SPECC1: variants seen among roughly 807,000 people sequenced by gnomAD.
SPECC1 encodes the protein sperm antigen with calponin homology and coiled-coil domains 1.
Under a neutral mutation model 104.1 loss-of-function variants are expected in SPECC1, and 62 were observed. The ratio of observed to expected loss-of-function variants is 0.60; its 90% CI spans 0.49 to 0.74. The LOEUF (loss-of-function observed/expected upper bound fraction) is 0.74, where lower values mean the gene tolerates loss of function less well. SPECC1 is among the 30% of genes least tolerant of loss of function. SPECC1 has a pLI of 0.00. For missense variants in SPECC1, 1,306 were observed against 1,310.5 expected, an observed-to-expected ratio of 1.00 and a Z score of 0.05; for synonymous variants, 513 against 501.6, an observed-to-expected ratio of 1.02 and a Z score of -0.30.
At chr17:20,055,653 A>G (rs182561240) in intron 1 of SPECC1, among the ~76,000 whole-genome samples, 1 of 152,328 alleles carries the variant, frequency 6.6e-6, no homozygotes, top group Non-Finnish European at 1.5e-5. Flanking sequence ...CTCTCTATAC[A>G]TGATCATAAC....
intron 9 of SPECC1, among the ~76,000 whole-genome samples, chr17:20,249,383 A>G (rs2039539875): frequency 6.6e-6 from 1 of 152,210 alleles, no homozygotes; most frequent in Non-Finnish European, 1.5e-5. Context: ...GCGCCACTGC[A>G]TTCCAGCCTG....
intron 12 of SPECC1, among the ~76,000 whole-genome samples, chr17:20,275,429 A>C (rs2040544527): frequency 6.6e-6 from 1 of 152,198 alleles, no homozygotes; most frequent in Non-Finnish European, 1.5e-5. Flanking sequence ...TAAAAAGTGC[A>C]ATAGGTATTT....
chr17:20,099,715 A>AAAAAG (rs2047844087), intron 2 of SPECC1, among the ~76,000 whole-genome samples: 14 of 148,916 alleles, frequency 9.4e-5, no homozygotes, highest in African/African-American at 3.5e-4. Context: ...AAAAAAAAAA[A>AAAAAG]AAAAACCCAC....
At chr17:20,300,809 G>A (rs189951911) in intron 13 of SPECC1, among the ~76,000 whole-genome samples, 27 of 152,304 alleles carry the variant, frequency 1.8e-4, no homozygotes, top group Non-Finnish European at 2.8e-4. Flanking sequence ...CCAATCACCC[G>A]ACCACCAGGG....
chr17:20,303,917 C>A (rs2041673749), intron 13 of SPECC1, among the ~76,000 whole-genome samples: 1 of 151,790 alleles, frequency 6.6e-6, no homozygotes. Flanking sequence ...CGTGCCACTG[C>A]ACTCCAGCCT....
At chr17:20,200,364 C>T (rs1228464106) in intron 3 of SPECC1, among the ~76,000 whole-genome samples, 1 of 152,170 alleles carries the variant, frequency 6.6e-6, no homozygotes, top group African/African-American at 2.4e-5. Flanking sequence ...AAAAATGTCA[C>T]ACTTCAAACA....
Position 20,317,317 on chromosome 17 carries a change from G to C in SPECC1, c.*3252G>C, listed in dbSNP as rs147999950. 3.0e-3 allele frequency: 433 copies of C among 142,920 alleles called. No individual in the cohort carries two copies. The highest frequency in any genetic ancestry group is 4.4e-3 in the Non-Finnish European group (318 of 72,548). The allele number at this position is 142,920 out of a possible 1,614,324, so 8.9% of individuals were successfully genotyped here. A position where few individuals can be genotyped will look rare whatever the true frequency, so the allele number is the denominator to read the frequency against. On this transcript the variant is annotated 3_prime_UTR_variant, in exon 15 of 15. Transcript: ENST00000395527. ...TCACTTCTCTGTCACCCAGGCTAGA[G>C]TAGTGTGATCTTGGCTTATTACAAC...
At chr17:20,169,998 G>A (rs187697809) in intron 3 of SPECC1, among the ~76,000 whole-genome samples, 13 of 152,298 alleles carry the variant, frequency 8.5e-5, no homozygotes, top group Admixed American at 8.5e-4. Flanking sequence ...TGAGAATTTT[G>A]AAGGGTTCCA....
intron 3 of SPECC1, among the ~76,000 whole-genome samples, chr17:20,122,424 G>T (rs1215463652): frequency 6.6e-6 from 1 of 152,176 alleles, no homozygotes; most frequent in Non-Finnish European, 1.5e-5. Flanking sequence ...GGGAACAGCA[G>T]CTGCGTCTGG....
At chr17:20,180,345 T>G (rs1393355451) in intron 3 of SPECC1, among the ~76,000 whole-genome samples, 1 of 152,156 alleles carries the variant, frequency 6.6e-6, no homozygotes, top group Non-Finnish European at 1.5e-5. Context: ...GTCCAGAATA[T>G]TAGTGTCAGA....
At chr17:20,227,011 GGGAAGCACTGCTCTCCC>G (rs2038257529) in intron 4 of SPECC1, among the ~76,000 whole-genome samples, 1 of 110,838 alleles carries the variant, frequency 9.0e-6, no homozygotes, top group Non-Finnish European at 2.0e-5. Context: ...GTGCCTCCCA[GGGAAGCACTGCTCTCCC>G]AGGGAAGCAC....
chr17:20,071,157 A>G (rs1037289713), intron 1 of SPECC1, among the ~76,000 whole-genome samples: 1 of 152,066 alleles, frequency 6.6e-6, no homozygotes, highest in Non-Finnish European at 1.5e-5. Context: ...TCAGCCTCCC[A>G]AGTAGCTGAG....
intron 1 of SPECC1, among the ~76,000 whole-genome samples, chr17:20,055,941 C>A (rs760611824): frequency 6.6e-6 from 1 of 152,180 alleles, no homozygotes; most frequent in Non-Finnish European, 1.5e-5. Flanking sequence ...TCAGACCCAC[C>A]CTCCTGGTGC....
At chr17:20,312,449 C>T (rs1340870843) in intron 14 of SPECC1, among the ~76,000 whole-genome samples, 3 of 152,286 alleles carry the variant, frequency 2.0e-5, no homozygotes, top group South Asian at 2.1e-4. Flanking sequence ...GATTGGACTT[C>T]GGAGTCCTCT....
intron 12 of SPECC1, among the ~76,000 whole-genome samples, chr17:20,275,938 G>A (rs572776362): frequency 3.9e-5 from 6 of 152,126 alleles, no homozygotes; most frequent in South Asian, 4.2e-4. Context: ...TGAACCATAC[G>A]TAAAGGTTTC....
intron 3 of SPECC1, among the ~76,000 whole-genome samples, chr17:20,199,381 TG>T (rs1486448977): frequency 3.9e-5 from 5 of 128,734 alleles, no homozygotes; most frequent in East Asian, 5.1e-4. Flanking sequence ...GCCACCGTGC[TG>T]GTTTTTTTTT....
At chr17:20,308,547 AC>A (rs1333105151) in intron 14 of SPECC1, among the ~76,000 whole-genome samples, 2 of 152,206 alleles carry the variant, frequency 1.3e-5, no homozygotes, top group Non-Finnish European at 2.9e-5. Context: ...CTAGAAAAAT[AC>A]AAGTATGTTT....
At chr17:20,213,309 G>A (rs1021218797) in intron 4 of SPECC1, among the ~76,000 whole-genome samples, 1 of 151,974 alleles carries the variant, frequency 6.6e-6, no homozygotes, top group African/African-American at 2.4e-5. Context: ...TGTTGACAAG[G>A]CTGATCTCAA....
rs139218970 is a variant in SPECC1 at position 20,318,032 on chromosome 17, A to G, written c.*3967A>G. Reference sequence around the variant, plus strand: ...GCATCTTATTTTTTCTATACTCAGCAGAGTGTGCCATTCCCAGTTTCTGTC... The same window carrying G: ...GCATCTTATTTTTTCTATACTCAGCGGAGTGTGCCATTCCCAGTTTCTGTC... On this transcript the variant is annotated 3_prime_UTR_variant, in exon 15 of 15. Coordinates refer to ENST00000395527, the MANE Select transcript of SPECC1 (RefSeq NM_001243439.2). 1.0e-4 allele frequency: 23 copies of G among 230,302 alleles called. No homozygotes were observed. The East Asian group carries it at 1.4e-3, about 14-fold the overall frequency. 14.3% of individuals were successfully genotyped at this position (230,302 alleles called of 1,614,324 possible).
Sources: gnomAD v4.1 joint callset for allele counts (sites outside exome capture counted in the v4.1 genomes callset) on GRCh38, gnomAD v4.1.1 for gene constraint, MANE v1.5 for transcripts, NCBI Gene and HGNC (gene_info 2026-07-23, HGNC 2026-07-21) for gene names.